Variants in RANBP3L observed in about 807,000 individuals in gnomAD.
RANBP3L encodes ran-binding protein 3-like.
A neutral mutation model predicts 67.2 loss-of-function variants in RANBP3L; 56 were observed. The observed-to-expected ratio is 0.83, with a 90% confidence interval of 0.67 to 1.04. The LOEUF (loss-of-function observed/expected upper bound fraction) is 1.04, where lower values mean the gene tolerates loss of function less well. Ranked by LOEUF, RANBP3L falls within the 50% of genes least tolerant of loss-of-function variation. RANBP3L has a pLI of 0.00. For missense variants in RANBP3L, 496 were observed against 535.5 expected (o/e 0.93, Z 0.73); for synonymous variants, 164 against 181.4 (o/e 0.90, Z 0.77).
chr5:36,295,413 T>C (rs1175635995), intron 1 of RANBP3L, among the ~76,000 whole-genome samples: 1 of 152,114 alleles, frequency 6.6e-6, no homozygotes, highest in Non-Finnish European at 1.5e-5. Context: ...CCTGCCACCA[T>C]GTGAAGAAGG....
chr5:36,275,261 C>T (rs865856569), intron 1 of RANBP3L, among the ~76,000 whole-genome samples: 1 of 152,178 alleles, frequency 6.6e-6, no homozygotes, highest in African/African-American at 2.4e-5. Context: ...TTTAATCATT[C>T]TGTGGATTAA....
chr5:36,259,748 C>T (rs1749241342), intron 8 of RANBP3L, among the ~76,000 whole-genome samples: 1 of 152,112 alleles, frequency 6.6e-6, no homozygotes, highest in African/African-American at 2.4e-5. Flanking sequence ...AGCCACTTTC[C>T]TGACTTGAGT....
At chr5:36,260,150 G>A (rs111767862) in intron 8 of RANBP3L, among the ~76,000 whole-genome samples, 11,559 of 150,600 alleles carry the variant, frequency 0.077, 1,540 homozygotes, top group African/African-American at 0.27. Context: ...TCAGGAGATC[G>A]AGACCATCCT....
Position 36,271,252 on chromosome 5 carries a change from C to T in RANBP3L, c.150+1G>A, listed in dbSNP as rs778443031. ...TTGAACAAAGAAGTAGTCAATCTTA[C>T]CTTAAAAGTTTGTTCTCCCTTTTCA... On this transcript the variant is annotated splice_donor_variant, in intron 2 of 13. Coordinates refer to ENST00000296604, the MANE Select transcript of RANBP3L (RefSeq NM_145000.5). LOFTEE classifies it high-confidence loss of function. 2.7e-6 allele frequency: 4 copies of T among 1,501,378 alleles called. No homozygotes were observed. The allele number at this position is 1,501,378 out of a possible 1,614,324, so 93.0% of individuals were successfully genotyped here. A position where few individuals can be genotyped will look rare whatever the true frequency, so the allele number is the denominator to read the frequency against.
At chr5:36,271,367 A>G (rs1388048889) in intron 1 of RANBP3L, 56 bp from the exon 2 acceptor site, 3 of 1,115,150 alleles carry the variant, frequency 2.7e-6, no homozygotes, top group East Asian at 2.4e-5. Flanking sequence ...CATTTCTTAC[A>G]TCATCTAAAA....
intron 1 of RANBP3L, among the ~76,000 whole-genome samples, chr5:36,277,552 A>G (rs1750682648): frequency 6.6e-6 from 1 of 151,510 alleles, no homozygotes; most frequent in African/African-American, 2.4e-5. Context: ...AACCTTTTGA[A>G]ACAAAGCAGA....
At chr5:36,300,618 T>C (rs904801753) in intron 1 of RANBP3L, among the ~76,000 whole-genome samples, 17 of 152,160 alleles carry the variant, frequency 1.1e-4, no homozygotes, top group African/African-American at 3.9e-4. Context: ...ATGTCATCCA[T>C]GAGAGACCCA....
Position 36,254,541 on chromosome 5 carries a change from C to T in RANBP3L, c.1025-752G>A, listed in dbSNP as rs1267213904. Among the ~76,000 whole-genome samples the T allele has an allele frequency of 4.6e-5, 7 of 151,754 alleles. No homozygotes were observed. In the East Asian group the frequency reaches 1.2e-3, roughly 25 times the overall value. Reference sequence around the variant, plus strand: ...TTCTTTGGCAGGCAGTGGAATCAAACCAGAGTAGTAAATAACTTGGACCTG... The same window carrying T: ...TTCTTTGGCAGGCAGTGGAATCAAATCAGAGTAGTAAATAACTTGGACCTG... On this transcript the variant is annotated intron_variant, in intron 11 of 13. Coordinates refer to ENST00000296604, the MANE Select transcript of RANBP3L (RefSeq NM_145000.5).
At position 36,248,087 on chromosome 5, in the gene RANBP3L, C is replaced by T. The variant is rs1210162195; in HGVS notation, c.*1567G>A. Among the ~76,000 whole-genome samples the T allele has an allele frequency of 2.0e-5, 3 of 152,178 alleles. No homozygotes were observed. ...CTGAGTGTGTTCCGCATCAGAGTCACTCTTCTTGATTTTAAAAAAGAGTAT... is the reference window on the plus strand; with the variant it reads ...CTGAGTGTGTTCCGCATCAGAGTCATTCTTCTTGATTTTAAAAAAGAGTAT... On this transcript the variant is annotated 3_prime_UTR_variant, in exon 14 of 14. Coordinates refer to ENST00000296604, the MANE Select transcript of RANBP3L (RefSeq NM_145000.5).
intron 1 of RANBP3L, among the ~76,000 whole-genome samples, chr5:36,297,173 G>A (rs527269792): frequency 1.3e-5 from 2 of 152,150 alleles, no homozygotes; most frequent in African/African-American, 4.8e-5. Context: ...GTTATATACT[G>A]TATTCTTATG....
chr5:36,267,662 T>A (rs745864903), intron 4 of RANBP3L, among the ~76,000 whole-genome samples: 1 of 152,208 alleles, frequency 6.6e-6, no homozygotes, highest in South Asian at 2.1e-4. Context: ...AATAAAAACA[T>A]GAGAATAGAG....
chr5:36,256,614 C>A (rs566141386), intron 10 of RANBP3L, among the ~76,000 whole-genome samples: 1 of 151,950 alleles, frequency 6.6e-6, no homozygotes, highest in Non-Finnish European at 1.5e-5. Context: ...CATTGTTAAA[C>A]GTGTAAGTAG....
Position 36,273,156 on chromosome 5 carries a change from G to A in RANBP3L, c.92-1845C>T, listed in dbSNP as rs531450307. On this transcript the variant is annotated intron_variant, in intron 1 of 13. Transcript: ENST00000296604. ...AGACTTTGAAAAAGAAATAGTTTTCGTGAATGTGCAGTGGAATATTTATCA... is the reference window on the plus strand; with the variant it reads ...AGACTTTGAAAAAGAAATAGTTTTCATGAATGTGCAGTGGAATATTTATCA... Among the ~76,000 whole-genome samples, 7 of 152,256 alleles carry A rather than the reference G, an allele frequency of 4.6e-5. No individual in the cohort carries two copies. The East Asian group carries it at 5.8e-4, about 13-fold the overall frequency.
intron 1 of RANBP3L, among the ~76,000 whole-genome samples, chr5:36,297,441 ACACACG>A (rs1215015363): frequency 1.5e-3 from 225 of 151,198 alleles, no homozygotes; most frequent in African/African-American, 5.2e-3. Flanking sequence ...ACACACACAC[ACACACG>A]CACACACACA....
intron 8 of RANBP3L, among the ~76,000 whole-genome samples, chr5:36,259,902 GATGCTGAAC>G (rs1749249972): frequency 6.6e-6 from 1 of 152,160 alleles, no homozygotes; most frequent in Admixed American, 6.5e-5. Flanking sequence ...ATTGCAAGAG[GATGCTGAAC>G]ATTAAATAAG....
At chr5:36,274,741 T>A (rs1329695600) in intron 1 of RANBP3L, among the ~76,000 whole-genome samples, 1 of 151,914 alleles carries the variant, frequency 6.6e-6, no homozygotes, top group Non-Finnish European at 1.5e-5. Context: ...CTTTTAAAGA[T>A]CACCCCTCCC....
Position 36,296,837 on chromosome 5 carries a change from A to G in RANBP3L, c.91+4489T>C, listed in dbSNP as rs74420002. ...GAGTGAGTCTCATCTAATCAGTCAA[A>G]GGCCTGAATAGAACAAAAGACTGAC... On this transcript the variant is annotated intron_variant, in intron 1 of 13. Coordinates refer to ENST00000296604, the MANE Select transcript of RANBP3L (RefSeq NM_145000.5). Among the ~76,000 whole-genome samples, 1,971 of 152,284 alleles carry G rather than the reference A, an allele frequency of 0.013. 98 individuals are homozygous for G. The East Asian group carries it at 0.15, about 11-fold the overall frequency.
At chr5:36,298,814 G>A (rs931928023) in intron 1 of RANBP3L, among the ~76,000 whole-genome samples, 4 of 152,194 alleles carry the variant, frequency 2.6e-5, no homozygotes, top group Non-Finnish European at 5.9e-5. Context: ...AAAAAGCTAA[G>A]TCTGAGAAAG....
intron 1 of RANBP3L, among the ~76,000 whole-genome samples, chr5:36,278,355 C>A (rs1471275551): frequency 6.6e-6 from 1 of 152,094 alleles, no homozygotes; most frequent in Non-Finnish European, 1.5e-5. Context: ...GATGGACCAG[C>A]AGCATTGACA....
Sources: allele counts gnomAD v4.1 joint callset (sites outside exome capture counted in the v4.1 genomes callset), GRCh38; gene constraint gnomAD v4.1.1; transcripts MANE v1.5; gene names NCBI Gene and HGNC (gene_info 2026-07-23, HGNC 2026-07-21).